PDE4D: variants seen among roughly 807,000 people sequenced by gnomAD.
PDE4D encodes the protein 3',5'-cyclic-AMP phosphodiesterase 4D.
PDE4D carries 24 observed loss-of-function variants against 87.4 expected under a neutral mutation model. The ratio of observed to expected loss-of-function variants is 0.27; its 90% CI spans 0.20 to 0.39. The LOEUF (loss-of-function observed/expected upper bound fraction) is 0.39. PDE4D is among the 10% of genes least tolerant of loss of function. The pLI is 1.00. For synonymous variants in PDE4D, 384 were observed against 383.2 expected (o/e 1.00, Z -0.02); for missense variants, 714 against 1,041.0 (o/e 0.69, Z 4.32).
intron 3 of PDE4D, among the ~76,000 whole-genome samples, chr5:59,937,100 A>T (rs1037384412): frequency 1.3e-5 from 2 of 152,308 alleles, no homozygotes; most frequent in Non-Finnish European, 2.9e-5. Flanking sequence ...CTGAAGAGAC[A>T]AGCAGCACTA....
rs190520003 is a variant in PDE4D, at chr5:59,610,810, T to C, written c.455+282358A>G. Among the ~76,000 whole-genome samples, 4 of 152,294 alleles carry C rather than the reference T, an allele frequency of 2.6e-5. No homozygotes were observed. The East Asian group carries it at 7.7e-4, about 29-fold the overall frequency. On this transcript the variant is annotated intron_variant, in intron 1 of 14. Transcript: ENST00000340635. Reference sequence around the variant, plus strand: ...TGAAGACATGAAGTCTGTAAGGCTATGGAGAATAATTAAATGTGATATTTA... The same window carrying C: ...TGAAGACATGAAGTCTGTAAGGCTACGGAGAATAATTAAATGTGATATTTA...
At chr5:59,337,822 G>A (rs1321001498) in intron 1 of PDE4D, among the ~76,000 whole-genome samples, 1 of 152,104 alleles carries the variant, frequency 6.6e-6, no homozygotes. Context: ...GGGGTATTCT[G>A]AATGGGCATG....
chr5:60,118,663 A>G (rs1014436423), intron 2 of PDE4D, among the ~76,000 whole-genome samples: 4 of 151,824 alleles, frequency 2.6e-5, no homozygotes, highest in African/African-American at 9.7e-5. Context: ...CAGAATTGAA[A>G]TTCCACCTCT....
chr5:60,037,789 AG>A (rs1310687398), intron 2 of PDE4D, among the ~76,000 whole-genome samples: 1 of 152,234 alleles, frequency 6.6e-6, no homozygotes, highest in Admixed American at 6.5e-5. Context: ...ATGGAACATA[AG>A]CAGACAACTT....
intron 1 of PDE4D, among the ~76,000 whole-genome samples, chr5:59,320,292 G>A (rs181532883): frequency 8.5e-5 from 13 of 152,102 alleles, no homozygotes; most frequent in East Asian, 1.9e-4. Context: ...ACTTAGAATC[G>A]TGCCTAACTT....
At chr5:60,144,725 A>G (rs1048243076) in intron 2 of PDE4D, among the ~76,000 whole-genome samples, 45 of 152,334 alleles carry the variant, frequency 3.0e-4, no homozygotes, top group African/African-American at 1.1e-3. Flanking sequence ...TTGGAATTAG[A>G]TATTTTTGCA....
intron 1 of PDE4D, among the ~76,000 whole-genome samples, chr5:59,720,733 G>A (rs537448630): frequency 6.6e-6 from 1 of 152,234 alleles, no homozygotes; most frequent in East Asian, 1.9e-4. Flanking sequence ...GACCAGTGAA[G>A]GGAAACTCCT....
intron 3 of PDE4D, among the ~76,000 whole-genome samples, chr5:59,938,410 C>T (rs1250265769): frequency 6.6e-6 from 1 of 152,160 alleles, no homozygotes; most frequent in South Asian, 2.1e-4. Context: ...AGATCCAGCT[C>T]TTTCTGGACT....
intron 2 of PDE4D, among the ~76,000 whole-genome samples, chr5:59,993,062 G>C (rs1320427059): frequency 6.6e-6 from 1 of 152,016 alleles, no homozygotes; most frequent in African/African-American, 2.4e-5. Flanking sequence ...GGAGAAGATG[G>C]AAAAAAGATA....
At chr5:59,056,335 A>G (rs1762351125) in intron 5 of PDE4D, among the ~76,000 whole-genome samples, 1 of 152,194 alleles carries the variant, frequency 6.6e-6, no homozygotes, top group Non-Finnish European at 1.5e-5. Flanking sequence ...CCACTGGAGC[A>G]AAGGACGAAA....
At chr5:59,658,765 T>C (rs1047300650) in intron 1 of PDE4D, among the ~76,000 whole-genome samples, 6 of 152,282 alleles carry the variant, frequency 3.9e-5, no homozygotes, top group African/African-American at 1.4e-4. Context: ...ATTCCTTTAT[T>C]GCATGGTTTA....
At chr5:60,038,058 C>T (rs1004201452) in intron 2 of PDE4D, among the ~76,000 whole-genome samples, 13 of 152,116 alleles carry the variant, frequency 8.5e-5, no homozygotes, top group African/African-American at 3.1e-4. Flanking sequence ...CGAAAATTTT[C>T]TCCCATTTTG....
chr5:59,945,873 C>G (rs1454424367), intron 3 of PDE4D, among the ~76,000 whole-genome samples: 1 of 152,180 alleles, frequency 6.6e-6, no homozygotes, highest in Non-Finnish European at 1.5e-5. Flanking sequence ...AGGAATGACT[C>G]AAGGCTGGTT....
chr5:60,354,286 T>TA (rs1759433905), intron 1 of PDE4D, among the ~76,000 whole-genome samples: 1 of 152,202 alleles, frequency 6.6e-6, no homozygotes, highest in Non-Finnish European at 1.5e-5. Context: ...TAGTGCAAAG[T>TA]AAACAGAAGT....
intron 1 of PDE4D, among the ~76,000 whole-genome samples, chr5:59,616,926 T>G (rs1417367044): frequency 8.2e-6 from 1 of 121,308 alleles, no homozygotes; most frequent in African/African-American, 3.3e-5. Flanking sequence ...TACATATATA[T>G]ATATATATAT....
In PDE4D at chr5:59,885,364, T is replaced by C. The variant is rs1350195070; in HGVS notation, c.455+7804A>G. Among the ~76,000 whole-genome samples the C allele has an allele frequency of 3.3e-5, 5 of 152,176 alleles. 1 individual carries two copies. The highest frequency in any genetic ancestry group is 2.6e-4 in the Admixed American group (4 of 15,286). On this transcript the variant is annotated intron_variant, in intron 1 of 14. Transcript: ENST00000340635. ...TAAAATCCCACTGGGGATTGTCATT[T>C]TTAAATAAGCCTCTGACCTTATCTG... is the stretch of plus-strand genomic sequence containing the variant.
intron 1 of PDE4D, chr5:59,217,336 A>T (rs550480092): frequency 4.2e-5 from 19 of 452,112 alleles, no homozygotes; most frequent in South Asian, 3.0e-4. Context: ...TCTTTATTCA[A>T]ACTATTAACT....
At chr5:60,492,554 A>C (rs2150236330), upstream of PDE4D, among the ~76,000 whole-genome samples, 1 of 152,330 alleles carries the variant, frequency 6.6e-6, no homozygotes, top group East Asian at 1.9e-4. Flanking sequence ...ATGGAATACT[A>C]TGCAGCCATA....
At chr5:59,529,672 T>C (rs965236610) in intron 1 of PDE4D, among the ~76,000 whole-genome samples, 4 of 152,188 alleles carry the variant, frequency 2.6e-5, no homozygotes, top group Non-Finnish European at 5.9e-5. Flanking sequence ...CCCTCAACTA[T>C]TAAATATTTA....
Sources: allele counts gnomAD v4.1 joint callset (sites outside exome capture counted in the v4.1 genomes callset), GRCh38; gene constraint gnomAD v4.1.1; transcripts MANE v1.5; gene names NCBI Gene and HGNC (gene_info 2026-07-23, HGNC 2026-07-21).